Variants in ARID2 observed in about 807,000 individuals in gnomAD.
The protein encoded by ARID2 is AT-rich interactive domain-containing protein 2.
In ARID2, 32 loss-of-function variants were observed where a neutral mutation model predicts 184.6. The ratio of observed to expected loss-of-function variants is 0.17; its 90% CI spans 0.13 to 0.23. The LOEUF (loss-of-function observed/expected upper bound fraction) is 0.23. Among genes scored for constraint, ARID2 ranks in the 10% least tolerant of loss-of-function variants. ARID2 has a pLI of 1.00. For synonymous variants in ARID2, 836 were observed against 772.6 expected, an observed-to-expected ratio of 1.08 and a Z score of -1.36; for missense variants, 1,696 against 2,197.6, an observed-to-expected ratio of 0.77 and a Z score of 4.56.
chr12:45,763,428 C>G (rs540074213), intron 3 of ARID2, among the ~76,000 whole-genome samples: 1 of 151,830 alleles, frequency 6.6e-6, no homozygotes, highest in African/African-American at 2.4e-5. Flanking sequence ...CAAGACCGCT[C>G]CATTCCATTC....
At chr12:45,837,231 T>C in intron 8 of ARID2, 90 bp from the exon 9 acceptor site, 2 of 1,219,522 alleles carry the variant, frequency 1.6e-6, no homozygotes, top group Non-Finnish European at 2.3e-6. Context: ...TTATGCAACA[T>C]TGTCCTGTTT....
chr12:45,764,159 T>C (rs1271392600), intron 3 of ARID2, among the ~76,000 whole-genome samples: 1 of 152,154 alleles, frequency 6.6e-6, no homozygotes, highest in East Asian at 1.9e-4. Flanking sequence ...TTAAAATTAT[T>C]TTAGTAATTA....
At chr12:45,842,158 G>A (rs942847415) in intron 11 of ARID2, 3 of 150,700 alleles carry the variant, frequency 2.0e-5, no homozygotes, top group African/African-American at 7.3e-5. Flanking sequence ...TGGGCCCAGG[G>A]AGTCAAAGGC....
intron 20 of ARID2, among the ~76,000 whole-genome samples, chr12:45,903,387 G>A (rs959530323): frequency 1.3e-5 from 2 of 152,104 alleles, no homozygotes; most frequent in Admixed American, 1.3e-4. Context: ...GATGTTAAAA[G>A]TTTGCTACAT....
At chr12:45,873,710 A>G (rs1352689709) in intron 16 of ARID2, among the ~76,000 whole-genome samples, 1 of 152,156 alleles carries the variant, frequency 6.6e-6, no homozygotes, top group African/African-American at 2.4e-5. Flanking sequence ...ACTGTAGTTA[A>G]TTAAGTGTGC....
chr12:45,791,676 C>G (rs954287200), intron 3 of ARID2, among the ~76,000 whole-genome samples: 9 of 152,190 alleles, frequency 5.9e-5, no homozygotes, highest in Non-Finnish European at 1.3e-4. Context: ...TCACTGCAGT[C>G]TGGACCTCCC....
intron 3 of ARID2, among the ~76,000 whole-genome samples, chr12:45,747,650 A>G (rs924295752): frequency 8.5e-5 from 13 of 152,192 alleles, no homozygotes; most frequent in African/African-American, 3.1e-4. Context: ...AACTTACAGA[A>G]TTAATAGTAT....
At chr12:45,767,553 G>A (rs1941796438) in intron 3 of ARID2, among the ~76,000 whole-genome samples, 1 of 152,176 alleles carries the variant, frequency 6.6e-6, no homozygotes, top group Admixed American at 6.5e-5. Flanking sequence ...CTTAAGCTGG[G>A]TGGAGTGGCA....
At chr12:45,760,309 A>G (rs929494291) in intron 3 of ARID2, among the ~76,000 whole-genome samples, 1 of 152,210 alleles carries the variant, frequency 6.6e-6, no homozygotes, top group Non-Finnish European at 1.5e-5. Context: ...CTCAAAAAGA[A>G]TATATTTTAT....
intron 20 of ARID2, among the ~76,000 whole-genome samples, chr12:45,898,616 G>GT (rs1169600255): frequency 6.6e-6 from 1 of 152,138 alleles, no homozygotes; most frequent in Non-Finnish European, 1.5e-5. Context: ...GAGAATTTTT[G>GT]TTTAAATGGG....
intron 10 of ARID2, 141 bp downstream of exon 10, chr12:45,837,848 A>G: frequency 1.6e-6 from 1 of 606,082 alleles, no homozygotes; most frequent in Non-Finnish European, 2.7e-6. Context: ...ACTTGTTTCC[A>G]TTATTCTTTA....
At position 45,893,552 on chromosome 12, in the gene ARID2, G is replaced by A. The variant is rs1046404741; in HGVS notation, c.5271+9G>A. On this transcript the variant is annotated intron_variant, in intron 19 of 20. Coordinates refer to ENST00000334344, the MANE Select transcript of ARID2 (RefSeq NM_152641.4). ...TCTTTCGAGATTTTACAGTAAGCAT[G>A]CCTTGAAACCCTTATCTGTAAAAGT... 6.2e-7 allele frequency: 1 copy of A among 1,613,292 alleles called. No homozygotes were observed. Among genetic ancestry groups the A allele is most frequent in the South Asian group, 1.1e-5 (1 of 90,946 alleles).
chr12:45,860,737 A>G (rs1289399080), intron 15 of ARID2, 64 bp from the exon 16 acceptor site: 6 of 1,331,074 alleles, frequency 4.5e-6, no homozygotes, highest in Admixed American at 2.7e-5. Context: ...TTATAAGACT[A>G]TACTATAAAA....
intron 3 of ARID2, among the ~76,000 whole-genome samples, chr12:45,793,565 A>G (rs76536194): frequency 0.014 from 2,160 of 150,544 alleles, 55 homozygotes; most frequent in African/African-American, 0.049. Context: ...GTGTGTGTGT[A>G]TATGTATTAT....
chr12:45,825,139 C>T lies in ARID2; in HGVS notation c.705+3652C>T, dbSNP rs916908727. Among the ~76,000 whole-genome samples, 4 of 151,832 alleles carry T rather than the reference C, an allele frequency of 2.6e-5. No individual in the cohort carries two copies. The South Asian group carries it at 6.2e-4, about 24-fold the overall frequency. ...GAGGTTGGTTAATGAGTACAAATAC[C>T]TAGTTAGAAAGAATAAATAATAAAT... On this transcript the variant is annotated intron_variant, in intron 6 of 20. Coordinates refer to ENST00000334344, the MANE Select transcript of ARID2 (RefSeq NM_152641.4).
intron 3 of ARID2, among the ~76,000 whole-genome samples, chr12:45,776,903 C>T (rs1487867359): frequency 6.6e-6 from 1 of 151,460 alleles, no homozygotes; most frequent in South Asian, 2.1e-4. Flanking sequence ...GTGCCTCAGC[C>T]TCCCAAGTAG....
intron 16 of ARID2, among the ~76,000 whole-genome samples, chr12:45,870,361 C>T (rs1200905336): frequency 1.3e-5 from 2 of 152,256 alleles, no homozygotes; most frequent in Admixed American, 1.3e-4. Context: ...CCCATATCTC[C>T]GTCCTCCCTG....
rs1362533296 is a variant in ARID2 at position 45,905,940 on chromosome 12, C to CTTTTT, written c.*869_*873dup. On this transcript the variant is annotated 3_prime_UTR_variant, in exon 21 of 21. Coordinates refer to ENST00000334344, the MANE Select transcript of ARID2 (RefSeq NM_152641.4). ...GAACTGTGATTTTTTTTTCTTTTTT[C>CTTTTT]TTTTTTTTTTTCTTTTTTTTTTTGT... 23 of 166,968 alleles carry CTTTTT rather than the reference C, an allele frequency of 1.4e-4. No homozygotes were observed. Among genetic ancestry groups the CTTTTT allele is most frequent in the African/African-American group, 3.6e-4 (13 of 35,880 alleles). 10.3% of individuals were successfully genotyped at this position (166,968 alleles called of 1,614,324 possible). A position where few individuals can be genotyped will look rare whatever the true frequency, so the allele number is the denominator to read the frequency against.
intron 2 of ARID2, among the ~76,000 whole-genome samples, 181 bp downstream of exon 2, chr12:45,730,318 C>G (rs1253601146): frequency 6.8e-6 from 1 of 147,696 alleles, no homozygotes; most frequent in African/African-American, 2.4e-5. Context: ...CCTGGTGGCT[C>G]GCGTGCGCGC....
Sources: gnomAD v4.1 joint callset for allele counts (sites outside exome capture counted in the v4.1 genomes callset) on GRCh38, gnomAD v4.1.1 for gene constraint, MANE v1.5 for transcripts, NCBI Gene and HGNC (gene_info 2026-07-23, HGNC 2026-07-21) for gene names.